The following DCAF7 variants were observed in gnomAD, a reference collection of about 807,000 sequenced individuals.
DCAF7 encodes DDB1 and CUL4 associated factor 7.
Under a neutral mutation model 41.2 loss-of-function variants are expected in DCAF7, and 4 were observed. The observed-to-expected ratio is 0.10, with a 90% CI of 0.05 to 0.22. The LOEUF (loss-of-function observed/expected upper bound fraction) is 0.22, where lower values mean the gene tolerates loss of function less well. DCAF7 is among the 10% of genes least tolerant of loss of function. DCAF7 has a pLI of 1.00. For synonymous variants in DCAF7, 143 were observed against 164.2 expected (o/e 0.87, Z 0.99); for missense variants, 131 against 443.2 (o/e 0.30, Z 6.32).
At chr17:63,561,850 GA>G (rs1008398993) in intron 1 of DCAF7, among the ~76,000 whole-genome samples, 6 of 151,548 alleles carry the variant, frequency 4.0e-5, no homozygotes, top group African/African-American at 1.2e-4. Context: ...CAACTGATTG[GA>G]AAAAAAATGC....
At chr17:63,560,504 G>A (rs2033369084) in intron 1 of DCAF7, among the ~76,000 whole-genome samples, 1 of 152,044 alleles carries the variant, frequency 6.6e-6, no homozygotes, top group Non-Finnish European at 1.5e-5. Context: ...AATATTCGGT[G>A]GAAAAATATG....
rs544922871 is a variant in DCAF7 at position 63,589,437 on chromosome 17, A to T, written c.*265A>T. The T allele has an allele frequency of 1.4e-5, 7 of 505,954 alleles. No homozygotes were observed. Among genetic ancestry groups the T allele is most frequent in the East Asian group, 4.1e-5 (1 of 24,626 alleles). 31.3% of individuals were successfully genotyped at this position (505,954 alleles called of 1,614,324 possible). On this transcript the variant is annotated 3_prime_UTR_variant, in exon 7 of 7. Coordinates refer to ENST00000614556, the MANE Select transcript of DCAF7 (RefSeq NM_005828.5). ...CCTCTTCTCCTTTGGTTCCTCAATT[A>T]AAAAATGTGTGTATATTTGTTTGTC...
intron 1 of DCAF7, among the ~76,000 whole-genome samples, chr17:63,567,644 A>G (rs954030566): frequency 6.6e-6 from 1 of 152,138 alleles, no homozygotes; most frequent in Non-Finnish European, 1.5e-5. Context: ...AGTACATGAG[A>G]TTTTATTTGG....
intron 1 of DCAF7, among the ~76,000 whole-genome samples, chr17:63,566,875 C>T (rs560663991): frequency 6.6e-6 from 1 of 152,178 alleles, no homozygotes; most frequent in East Asian, 1.9e-4. Context: ...GATCATGCCA[C>T]CGCTCTACAG....
intron 5 of DCAF7, among the ~76,000 whole-genome samples, chr17:63,584,897 C>T (rs974907253): frequency 6.6e-6 from 1 of 152,208 alleles, no homozygotes; most frequent in Non-Finnish European, 1.5e-5. Flanking sequence ...GCTGGGCTCT[C>T]ATTCCATTCA....
At chr17:63,578,652 C>A in intron 2 of DCAF7, 24 bp downstream of exon 2, 1 of 1,613,656 alleles carries the variant, frequency 6.2e-7, no homozygotes, top group Non-Finnish European at 8.5e-7. Context: ...TTATTAGCAG[C>A]CAGACAAGTG....
At chr17:63,568,946 A>C (rs2033475178) in intron 1 of DCAF7, among the ~76,000 whole-genome samples, 1 of 152,216 alleles carries the variant, frequency 6.6e-6, no homozygotes, top group South Asian at 2.1e-4. Context: ...TTTGGGTCTT[A>C]ATTCCAAATG....
At chr17:63,577,232 A>G (rs558753189) in intron 1 of DCAF7, among the ~76,000 whole-genome samples, 31 of 152,188 alleles carry the variant, frequency 2.0e-4, no homozygotes, top group Non-Finnish European at 3.7e-4. Context: ...GCCAAAACTC[A>G]TTTAACTGTA....
In DCAF7 at chr17:63,550,653, C is replaced by CG. The variant is rs762592029; in HGVS notation, c.-25_-24insG. Reference sequence around the variant, plus strand: ...CCGCCGCAGCCCACTGTTGACCCGGCCCGTACTGCGGCCCCGTGGCCACCA... The same window carrying CG: ...CCGCCGCAGCCCACTGTTGACCCGGCGCCGTACTGCGGCCCCGTGGCCACCA... On this transcript the variant is annotated 5_prime_UTR_variant, in exon 1 of 7. Coordinates refer to ENST00000614556, the MANE Select transcript of DCAF7 (RefSeq NM_005828.5). The surrounding 1 kb of genome is among the most constrained non-coding windows in gnomAD (Gnocchi z 4.8). The CG allele has an allele frequency of 6.2e-7, 1 of 1,611,936 alleles. No homozygotes were observed. Among genetic ancestry groups the CG allele is most frequent in the African/African-American group, 1.3e-5 (1 of 75,058 alleles).
At chr17:63,573,930 A>G (rs1156632644) in intron 1 of DCAF7, among the ~76,000 whole-genome samples, 2 of 152,006 alleles carry the variant, frequency 1.3e-5, no homozygotes, top group African/African-American at 4.8e-5. Flanking sequence ...CCCGCCCAGC[A>G]CTACCAGATG....
intron 1 of DCAF7, chr17:63,573,184 CATA>C (rs2033525196): frequency 6.6e-6 from 1 of 152,166 alleles, no homozygotes; most frequent in Non-Finnish European, 1.5e-5. Context: ...GCATGCAAAA[CATA>C]ATAATCACAA....
Position 63,578,461 on chromosome 17 carries a change from A to G in DCAF7, c.139-9A>G. 6.2e-7 allele frequency: 1 copy of G among 1,613,982 alleles called. No individual in the cohort carries two copies. The highest frequency in any genetic ancestry group is 2.2e-5 in the East Asian group (1 of 44,888). On this transcript the variant is annotated splice_polypyrimidine_tract_variant and intron_variant, in intron 1 of 6. Coordinates refer to ENST00000614556, the MANE Select transcript of DCAF7 (RefSeq NM_005828.5). The stretch of plus-strand genomic sequence containing the variant: ...AATGCTTATGTGGCTCAACTTTGGT[A>G]TGTTACAGGTTCAGCTTGTTGGTTT...
At chr17:63,569,383 G>GAA (rs796123483) in intron 1 of DCAF7, among the ~76,000 whole-genome samples, 2 of 123,718 alleles carry the variant, frequency 1.6e-5, no homozygotes, top group Non-Finnish European at 1.7e-5. Flanking sequence ...CTACTTTAAG[G>GAA]AAAAAAAAAA....
intron 1 of DCAF7, among the ~76,000 whole-genome samples, chr17:63,572,794 G>A (rs1239529144): frequency 1.3e-5 from 2 of 152,140 alleles, no homozygotes; most frequent in South Asian, 2.1e-4. Flanking sequence ...ACAAGGCCTC[G>A]CTCTGTTGCC....
Position 63,592,187 on chromosome 17 carries a change from G to C in DCAF7, c.*3015G>C, listed in dbSNP as rs1453940055. On this transcript the variant is annotated 3_prime_UTR_variant, in exon 7 of 7. Coordinates refer to ENST00000614556, the MANE Select transcript of DCAF7 (RefSeq NM_005828.5). ...GGAGGCTGAGGTGGCCAGATCCCAAGGTCAGAAGATCGAGACCATCCTGGC... is the reference window on the plus strand; with the variant it reads ...GGAGGCTGAGGTGGCCAGATCCCAACGTCAGAAGATCGAGACCATCCTGGC... 1.3e-5 allele frequency: 2 copies of C among 152,208 alleles called. No homozygotes were observed. Among genetic ancestry groups the C allele is most frequent in the African/African-American group, 4.8e-5 (2 of 41,412 alleles). The allele number at this position is 152,208 out of a possible 1,614,324, so 9.4% of individuals were successfully genotyped here. A position where few individuals can be genotyped will look rare whatever the true frequency, so the allele number is the denominator to read the frequency against.
intron 1 of DCAF7, among the ~76,000 whole-genome samples, chr17:63,563,128 C>A (rs939577659): frequency 2.0e-5 from 3 of 152,062 alleles, no homozygotes; most frequent in Non-Finnish European, 1.5e-5. Context: ...CCCTGCCTGG[C>A]GGAAAATATT....
At chr17:63,569,733 G>A (rs901512255) in intron 1 of DCAF7, among the ~76,000 whole-genome samples, 5 of 152,224 alleles carry the variant, frequency 3.3e-5, no homozygotes, top group African/African-American at 1.2e-4. Context: ...TTTGTTTTGA[G>A]ATGGAGTGTC....
In DCAF7 at chr17:63,584,195, C is replaced by T. The variant is rs189419357; in HGVS notation, c.738+484C>T. 7.6e-4 allele frequency among the ~76,000 whole-genome samples: 116 copies of T among 152,322 alleles called. 1 individual carries two copies. The highest frequency in any genetic ancestry group is 2.6e-3 in the African/African-American group (110 of 41,574). On this transcript the variant is annotated intron_variant, in intron 5 of 6. Transcript: ENST00000614556. Reference sequence around the variant, plus strand: ...TAGAAATGGCAGCCCTCTGGCCGGGCGCTCTGGGTCACGCCTGTAATCCCA... The same window carrying T: ...TAGAAATGGCAGCCCTCTGGCCGGGTGCTCTGGGTCACGCCTGTAATCCCA...
chr17:63,579,465 G>A lies in DCAF7; in HGVS notation c.409+17G>A. On this transcript the variant is annotated intron_variant, in intron 3 of 6. Transcript: ENST00000614556. ...ATCTTTTAGGTAAGGGAGTTAGGGA[G>A]TATGTATTTCAGCTGGAAGAAGCCA... 6.4e-7 allele frequency: 1 copy of A among 1,566,270 alleles called. No homozygotes were observed. The highest frequency in any genetic ancestry group is 8.7e-7 in the Non-Finnish European group (1 of 1,148,264).
Sources: gnomAD v4.1 joint callset for allele counts (sites outside exome capture counted in the v4.1 genomes callset) on GRCh38, gnomAD v4.1.1 for gene constraint, Gnocchi (gnomAD v3.1) non-coding constraint, MANE v1.5 for transcripts, NCBI Gene and HGNC (gene_info 2026-07-23, HGNC 2026-07-21) for gene names.